Variants in LILRA4 observed in about 807,000 individuals in gnomAD.
LILRA4 encodes leukocyte immunoglobulin like receptor A4.
LILRA4 carries 51 observed loss-of-function variants against 49.5 expected under a neutral mutation model. The ratio of observed to expected loss-of-function variants is 1.03; its 90% CI spans 0.82 to 1.30. LILRA4 has a LOEUF of 1.30. LILRA4 is among the 50% of genes most tolerant of loss of function. The pLI is 0.00. For missense variants in LILRA4, 624 were observed against 625.6 expected, an observed-to-expected ratio of 1.00 and a Z score of 0.03; for synonymous variants, 272 against 265.6, an observed-to-expected ratio of 1.02 and a Z score of -0.23.
At chr19:54,337,783 C>A in intron 4 of LILRA4, 87 bp from the exon 5 acceptor site, 2 of 1,484,280 alleles carry the variant, frequency 1.3e-6, no homozygotes, top group African/African-American at 1.4e-5. Context: ...GGGTTTCCAG[C>A]GTCCTTGTTT....
chr19:54,337,780 C>T, intron 4 of LILRA4, 84 bp from the exon 5 acceptor site: 1 of 1,491,470 alleles, frequency 6.7e-7, no homozygotes, highest in Non-Finnish European at 9.0e-7. Flanking sequence ...CTAGGGTTTC[C>T]AGCGTCCTTG....
At chr19:54,337,875 G>T in intron 4 of LILRA4, 61 bp downstream of exon 4, 1 of 1,538,960 alleles carries the variant, frequency 6.5e-7, no homozygotes, top group Non-Finnish European at 8.8e-7. Context: ...CCGAGGGTAA[G>T]GCTCCCAACA....
intron 6 of LILRA4, 68 bp from the exon 7 acceptor site, chr19:54,334,033 A>T: frequency 7.9e-7 from 1 of 1,258,258 alleles, no homozygotes; most frequent in Non-Finnish European, 1.2e-6. Flanking sequence ...ATGCATTCTT[A>T]TATTCCTCCA....
In LILRA4 at chr19:54,333,638, G is replaced by A. The variant is rs764187634; in HGVS notation, c.1434C>T (p.Ser478=). ...QHSQRSPPRC[S]QEANSRKDNA... is the part of the protein sequence containing the mutation. ...TGTCCTTTCTGCTGTTTGCCTCCTG[G>A]CTGCACCTTGGGGGGCTTCTCTGGC... The change falls in exon 8 of 8, where the codon AGC becomes AGT. Residue 478 remains serine, a synonymous_variant. Coordinates refer to ENST00000291759, the MANE Select transcript of LILRA4 (RefSeq NM_012276.5). The A allele has an allele frequency of 3.1e-6, 5 of 1,613,952 alleles. No individual in the cohort carries two copies. The African/African-American group carries it at 6.7e-5, about 22-fold the overall frequency.
Position 54,336,970 on chromosome 19 carries a change from A to T in LILRA4, c.1126T>A (p.Tyr376Asn). 6.2e-7 allele frequency: 1 copy of T among 1,614,162 alleles called. No homozygotes were observed. Among genetic ancestry groups the T allele is most frequent in the Non-Finnish European group, 8.5e-7 (1 of 1,180,008 alleles). Residue 376 changes from tyrosine (Y) to asparagine (N), a missense_variant, in exon 6 of 8, where the codon TAC (tyrosine) becomes AAC (asparagine). Transcript: ENST00000291759. Reference sequence around the variant, plus strand: ...GGACTCATGGGGAATTCAGCCTGGTACTTATGAGCTCCGTACATTGATCTC... The same window carrying T: ...GGACTCATGGGGAATTCAGCCTGGTTCTTATGAGCTCCGTACATTGATCTC... ...RLRSMYGAHK[Y>N]QAEFPMSPVT...
rs1354123183 is a variant in LILRA4 at position 54,337,030 on chromosome 19, T to C, written c.1066A>G (p.Thr356Ala). 4.3e-6 allele frequency: 7 copies of C among 1,613,516 alleles called. No homozygotes were observed. The highest frequency in any genetic ancestry group is 5.9e-6 in the Non-Finnish European group (7 of 1,179,878). Reference sequence around the variant, plus strand: ...GGGGGATGGGCTGCCCCCTCCTTGGTCAGAAGGAAAGTGAACATCGGGTCC... The same window carrying C: ...GGGGGATGGGCTGCCCCCTCCTTGGCCAGAAGGAAAGTGAACATCGGGTCC... Reference protein sequence around the residue: ...SWDPMFTFLLTKEGAAHPPLR... With the variant: ...SWDPMFTFLLAKEGAAHPPLR... Residue 356 changes from threonine (T) to alanine (A), a missense_variant, in exon 6 of 8, where the codon ACC becomes GCC. Transcript: ENST00000291759.
At chr19:54,334,328 A>C in intron 6 of LILRA4, 1 of 208,992 alleles carries the variant, frequency 4.8e-6, no homozygotes, top group Non-Finnish European at 9.6e-6. Context: ...AGAAATTTCC[A>C]TTTTTCAGTG....
At chr19:54,337,723 G>A (rs376624049) in intron 4 of LILRA4, 27 bp from the exon 5 acceptor site, 314 of 1,601,124 alleles carry the variant, frequency 2.0e-4, no homozygotes, top group Non-Finnish European at 2.5e-4. Flanking sequence ...GTTGGGACTC[G>A]GAGCGGCTGG....
intron 6 of LILRA4, chr19:54,336,556 G>A (rs2081325281): frequency 1.7e-6 from 1 of 583,642 alleles, no homozygotes; most frequent in Non-Finnish European, 3.0e-6. Context: ...CCCATAGGCT[G>A]GACCTTCCCC....
Position 54,338,422 on chromosome 19 carries a change from C to G in LILRA4, c.329G>C (p.Ser110Thr). Residue 110 changes from serine to threonine, a missense_variant, in exon 3 of 8, where the codon AGC becomes ACC. Ser to Thr is a moderately conservative substitution (Grantham distance 58). Transcript: ENST00000291759. ...TGTCACCACCAGCTCCAGGGGGTCG[C>G]TGGGCTCTGACCAGCCTGCAGGGCT... is the stretch of plus-strand genomic sequence containing the variant. ...YQSPAGWSEPSDPLELVVTAY... is the reference protein window; with the variant it reads ...YQSPAGWSEPTDPLELVVTAY... 1 of 1,614,110 alleles carries G rather than the reference C, an allele frequency of 6.2e-7. No individual in the cohort carries two copies. The highest frequency in any genetic ancestry group is 8.5e-7 in the Non-Finnish European group (1 of 1,180,014).
Position 54,338,489 on chromosome 19 carries a change from T to C in LILRA4, c.262A>G (p.Met88Val). Reference sequence around the variant, plus strand: ...TATCGCCCTGCATGTTCCCACATCATGGATGGGATGGAGAGTTTGACCTTG... The same window carrying C: ...TATCGCCCTGCATGTTCCCACATCACGGATGGGATGGAGAGTTTGACCTTG... ...ENKVKLSIPS[M>V]MWEHAGRYHC... Residue 88 changes from methionine to valine, a missense_variant, in exon 3 of 8, where the codon ATG (methionine) becomes GTG (valine). By Grantham distance (21) the Met-to-Val change is conservative. Transcript: ENST00000291759. The C allele has an allele frequency of 6.2e-7, 1 of 1,614,094 alleles. No homozygotes were observed. Among genetic ancestry groups the C allele is most frequent in the Non-Finnish European group, 8.5e-7 (1 of 1,179,992 alleles).
chr19:54,333,746 G>A lies in LILRA4; in HGVS notation c.1326C>T (p.Tyr442=). Residue 442 remains tyrosine (Y), a synonymous_variant, in exon 8 of 8, where the codon TAC becomes TAT. Coordinates refer to ENST00000291759, the MANE Select transcript of LILRA4 (RefSeq NM_012276.5). ...DSKTAPHLQD[Y]TVENLIRMGV... ...CCATGCGGATGAGATTCTCCACTGTGTAATCCTGGAGGTGTGGGGCTAGGG... is the reference window on the plus strand; with the variant it reads ...CCATGCGGATGAGATTCTCCACTGTATAATCCTGGAGGTGTGGGGCTAGGG... 6.2e-7 allele frequency: 1 copy of A among 1,614,112 alleles called. No homozygotes were observed. Among genetic ancestry groups the A allele is most frequent in the Non-Finnish European group, 8.5e-7 (1 of 1,180,024 alleles).
chr19:54,336,531 A>T (rs905916298), intron 6 of LILRA4: 12 of 481,206 alleles, frequency 2.5e-5, no homozygotes, highest in African/African-American at 2.3e-4. Flanking sequence ...GGAAGTCCTC[A>T]TCTATTTCCA....
Position 54,337,427 on chromosome 19 carries a change from TG to T in LILRA4, c.924del (p.Ser309ValfsTer7). 3 of 1,611,648 alleles carry T rather than the reference TG, an allele frequency of 1.9e-6. No homozygotes were observed. Among genetic ancestry groups the T allele is most frequent in the Non-Finnish European group, 2.5e-6 (3 of 1,179,810 alleles). Reference sequence around the variant, plus strand: ...GCGATCAGGATATCCAGGGGGTCACTGGGGGCCGACCACTCGGAGGAGACGT... The same window carrying T: ...GCGATCAGGATATCCAGGGGGTCACTGGGGCCGACCACTCGGAGGAGACGT... ...AHNVSSEWSA[P>X]SDPLDILIAG... On this transcript the variant is annotated frameshift_variant, in exon 5 of 8. Coordinates refer to ENST00000291759, the MANE Select transcript of LILRA4 (RefSeq NM_012276.5). LOFTEE classifies it high-confidence loss of function.
chr19:54,333,645 C>T lies in LILRA4; in HGVS notation c.1427G>A (p.Arg476Lys), dbSNP rs1017574531. 6.2e-7 allele frequency: 1 copy of T among 1,614,026 alleles called. No individual in the cohort carries two copies. The highest frequency in any genetic ancestry group is 1.3e-5 in the African/African-American group (1 of 74,910). Residue 476 changes from arginine (R) to lysine (K), a missense_variant, in exon 8 of 8, where the codon AGG (arginine) becomes AAG (lysine). By Grantham distance (26) the Arg-to-Lys change is conservative. Transcript: ENST00000291759. The part of the protein sequence containing the change: ...EAQHSQRSPP[R>K]CSQEANSRKD... ...TCTGCTGTTTGCCTCCTGGCTGCAC[C>T]TTGGGGGGCTTCTCTGGCTGTGCTG...
chr19:54,333,355 T>C lies in LILRA4; in HGVS notation c.*217A>G, dbSNP rs16985578. The C allele has an allele frequency of 8.4e-6, 5 of 592,254 alleles. No homozygotes were observed. The highest frequency in any genetic ancestry group is 3.3e-4 in the Middle Eastern group (1 of 2,986). 36.7% of individuals were successfully genotyped at this position (592,254 alleles called of 1,614,324 possible). A position where few individuals can be genotyped will look rare whatever the true frequency, so the allele number is the denominator to read the frequency against. ...CAGAGGGGCGGACCCAAACCCACCA[T>C]AGGGGTGAAGCCTTACATCATAGGG... On this transcript the variant is annotated 3_prime_UTR_variant, in exon 8 of 8. Coordinates refer to ENST00000291759, the MANE Select transcript of LILRA4 (RefSeq NM_012276.5).
chr19:54,337,494 G>C lies in LILRA4; in HGVS notation c.858C>G (p.Ser286Arg), dbSNP rs570525271. The C allele has an allele frequency of 3.3e-5, 53 of 1,612,576 alleles. No individual in the cohort carries two copies. Among genetic ancestry groups the C allele is most frequent in the East Asian group, 2.2e-4 (10 of 44,874 alleles). Residue 286 changes from serine to arginine, a missense_variant, in exon 5 of 8, where the codon AGC (serine) becomes AGG (arginine). Physicochemically the swap from Ser to Arg is moderately radical, Grantham distance 110 (BLOSUM62 -1). Transcript: ENST00000291759. ...ATCTGTACTGGCCCCCGTAGGAGCGGCTCACAGGGCTCAGGGTGAAGTTGG... is the reference window on the plus strand; with the variant it reads ...ATCTGTACTGGCCCCCGTAGGAGCGCCTCACAGGGCTCAGGGTGAAGTTGG... ...SQANFTLSPV[S>R]RSYGGQYRCY...
chr19:54,335,203 T>C (rs1207688886), intron 6 of LILRA4: 1 of 152,168 alleles, frequency 6.6e-6, no homozygotes, highest in African/African-American at 2.4e-5. Flanking sequence ...CATGTTGAAT[T>C]GTAATCCCCA....
chr19:54,336,316 G>A (rs17836364), intron 6 of LILRA4: 29,979 of 169,680 alleles, frequency 0.18, 2,856 homozygotes, highest in South Asian at 0.31. Flanking sequence ...GAGTAACTGC[G>A]CTTTCATCTC....
Sources: allele counts gnomAD v4.1 joint callset, GRCh38; gene constraint gnomAD v4.1.1; transcripts MANE v1.5; gene names NCBI Gene and HGNC (gene_info 2026-07-23, HGNC 2026-07-21).